Variants in CSMD1 observed in about 807,000 individuals in gnomAD.
The protein encoded by CSMD1 is CUB and sushi domain-containing protein 1.
In CSMD1, 213 loss-of-function variants were observed where a neutral mutation model predicts 417.5. That is an observed-to-expected ratio of 0.51 (90% CI 0.46 to 0.57). The LOEUF is 0.57. Ranked by LOEUF, CSMD1 falls within the 20% of genes least tolerant of loss-of-function variation. The pLI, the probability that CSMD1 is intolerant of heterozygous loss-of-function variation, is 0.00. For synonymous variants in CSMD1, 2,862 were observed against 1,736.8 expected (o/e 1.65, Z -16.11); for missense variants, 6,923 against 4,529.7 (o/e 1.53, Z -15.17).
chr8:3,824,252 C>CAA lies in CSMD1; in HGVS notation c.819-70212_819-70211dup, dbSNP rs200887302. On this transcript the variant is annotated intron_variant, in intron 5 of 69. Coordinates refer to ENST00000635120, the MANE Select transcript of CSMD1 (RefSeq NM_033225.6). Reference sequence around the variant, plus strand: ...AAAGAAATTCCAAAAAAACAAAAACCAAAAAAAAAAAACTGCTGACTCTTT... The same window carrying CAA: ...AAAGAAATTCCAAAAAAACAAAAACCAAAAAAAAAAAAAACTGCTGACTCTTT... 5.5e-3 allele frequency among the ~76,000 whole-genome samples: 781 copies of CAA among 140,910 alleles called. 7 individuals carry two copies. Among genetic ancestry groups the CAA allele is most frequent in the African/African-American group, 0.018 (698 of 38,982 alleles). 92.4% of individuals were successfully genotyped at this position (140,910 alleles called of 152,430 possible).
chr8:4,366,025 C>T (rs990358678), intron 3 of CSMD1, among the ~76,000 whole-genome samples: 10 of 152,100 alleles, frequency 6.6e-5, no homozygotes, highest in African/African-American at 2.4e-4. Flanking sequence ...GAGCCTGTCG[C>T]CCAGGTAGTG....
At position 4,824,836 on chromosome 8, in the gene CSMD1, G is replaced by C. The variant is rs114387745; in HGVS notation, c.85+169496C>G. Among the ~76,000 whole-genome samples, 480 of 152,244 alleles carry C rather than the reference G, an allele frequency of 3.2e-3. 1 individual carries two copies. The highest frequency in any genetic ancestry group is 0.011 in the African/African-American group (465 of 41,568). On this transcript the variant is annotated intron_variant, in intron 1 of 69. Coordinates refer to ENST00000635120, the MANE Select transcript of CSMD1 (RefSeq NM_033225.6). ...GACCAGGTATATAGCCTATATTTAAGAAACAATCTGTATCTCCAAGTGAAA... is the reference window on the plus strand; with the variant it reads ...GACCAGGTATATAGCCTATATTTAACAAACAATCTGTATCTCCAAGTGAAA...
At chr8:4,957,435 G>T (rs745362903) in intron 1 of CSMD1, among the ~76,000 whole-genome samples, 1 of 152,160 alleles carries the variant, frequency 6.6e-6, no homozygotes, top group Non-Finnish European at 1.5e-5. Context: ...TGTAACAGGC[G>T]CTTTCTTCTT....
In CSMD1 at chr8:4,158,733, G is replaced by C. The variant is rs557204421; in HGVS notation, c.416-126634C>G. Among the ~76,000 whole-genome samples the C allele has an allele frequency of 2.6e-5, 4 of 152,068 alleles. No individual in the cohort carries two copies. The South Asian group carries it at 8.3e-4, about 32-fold the overall frequency. ...CATTCAGTCCTTATCACAACCCCATGAGAACCACCATCATCGTCACTTGAT... is the reference window on the plus strand; with the variant it reads ...CATTCAGTCCTTATCACAACCCCATCAGAACCACCATCATCGTCACTTGAT... On this transcript the variant is annotated intron_variant, in intron 3 of 69. Coordinates refer to ENST00000635120, the MANE Select transcript of CSMD1 (RefSeq NM_033225.6).
intron 3 of CSMD1, among the ~76,000 whole-genome samples, chr8:4,101,619 T>C (rs1801309326): frequency 6.6e-6 from 1 of 152,204 alleles, no homozygotes; most frequent in South Asian, 2.1e-4. Flanking sequence ...AGGAGGACCT[T>C]CTGAAGTACC....
intron 20 of CSMD1, among the ~76,000 whole-genome samples, chr8:3,363,960 C>G (rs901566315): frequency 6.6e-6 from 1 of 152,144 alleles, no homozygotes; most frequent in African/African-American, 2.4e-5. Context: ...CCGTTAACAT[C>G]TGCAGAAATA....
At chr8:4,287,700 G>A (rs1465449383) in intron 3 of CSMD1, among the ~76,000 whole-genome samples, 1 of 123,106 alleles carries the variant, frequency 8.1e-6, no homozygotes, top group Non-Finnish European at 1.8e-5. Flanking sequence ...TACTTTGTAA[G>A]TGTATGAAAG....
chr8:4,809,803 T>C (rs943672347), intron 1 of CSMD1, among the ~76,000 whole-genome samples: 9 of 152,208 alleles, frequency 5.9e-5, no homozygotes, highest in Admixed American at 5.9e-4. Context: ...GTGTATTTTA[T>C]GCTTCTAGTA....
chr8:3,778,882 G>C (rs1799030835), intron 5 of CSMD1, among the ~76,000 whole-genome samples: 2 of 152,060 alleles, frequency 1.3e-5, no homozygotes, highest in Admixed American at 1.3e-4. Context: ...GCAGGCATTT[G>C]GACAAAAAGT....
chr8:4,974,466 T>C (rs1810428210), intron 1 of CSMD1, among the ~76,000 whole-genome samples: 3 of 151,978 alleles, frequency 2.0e-5, no homozygotes, highest in African/African-American at 7.3e-5. Context: ...ACAGGCTATA[T>C]ATAAATCACT....
At chr8:3,134,060 C>A (rs1259674207) in intron 41 of CSMD1, among the ~76,000 whole-genome samples, 1 of 152,002 alleles carries the variant, frequency 6.6e-6, no homozygotes, top group Non-Finnish European at 1.5e-5. Flanking sequence ...CACCTGCAGT[C>A]CCAGCTACTC....
At chr8:4,114,843 G>C (rs531940440) in intron 3 of CSMD1, among the ~76,000 whole-genome samples, 4 of 152,294 alleles carry the variant, frequency 2.6e-5, no homozygotes, top group African/African-American at 7.2e-5. Context: ...CTGAAGACGT[G>C]ACTGAATTGC....
chr8:4,076,200 T>G (rs985214283), intron 3 of CSMD1, among the ~76,000 whole-genome samples: 1 of 152,146 alleles, frequency 6.6e-6, no homozygotes, highest in Non-Finnish European at 1.5e-5. Context: ...TCTCACAAGA[T>G]CTAATGGTTT....
chr8:3,602,353 G>T (rs539495197), intron 8 of CSMD1, among the ~76,000 whole-genome samples: 1 of 152,028 alleles, frequency 6.6e-6, no homozygotes, highest in East Asian at 1.9e-4. Flanking sequence ...ACAAATTTCC[G>T]GTGGAGGCAT....
chr8:3,654,934 G>C (rs1204327746), intron 7 of CSMD1, among the ~76,000 whole-genome samples: 1 of 152,158 alleles, frequency 6.6e-6, no homozygotes, highest in African/African-American at 2.4e-5. Flanking sequence ...CATCTCATCT[G>C]GCACTTCCTG....
chr8:4,613,410 T>A (rs1463157183), intron 2 of CSMD1, among the ~76,000 whole-genome samples: 1 of 152,148 alleles, frequency 6.6e-6, no homozygotes, highest in Non-Finnish European at 1.5e-5. Context: ...TTAGGCAAGC[T>A]CATGCTACTC....
intron 15 of CSMD1, 42 bp from the exon 16 acceptor site, chr8:3,399,571 GA>G: frequency 6.7e-7 from 1 of 1,488,894 alleles, no homozygotes; most frequent in Non-Finnish European, 9.0e-7. Context: ...CAATGAGACA[GA>G]AGGATATGCC....
At chr8:4,451,198 G>T (rs897944964) in intron 2 of CSMD1, among the ~76,000 whole-genome samples, 1 of 152,042 alleles carries the variant, frequency 6.6e-6, no homozygotes. Flanking sequence ...GTGTGATGAG[G>T]CATGTGCCTG....
At chr8:2,950,178 G>T in intron 67 of CSMD1, 53 bp downstream of exon 67, 3 of 1,183,692 alleles carry the variant, frequency 2.5e-6, no homozygotes, top group South Asian at 2.4e-5. Context: ...CATCTGCACA[G>T]AGAGATGATT....
Sources: allele counts gnomAD v4.1 joint callset (sites outside exome capture counted in the v4.1 genomes callset), GRCh38; gene constraint gnomAD v4.1.1; transcripts MANE v1.5; gene names NCBI Gene and HGNC (gene_info 2026-07-23, HGNC 2026-07-21).